ADAM18: variants seen among roughly 807,000 people sequenced by gnomAD.
ADAM18 encodes the protein disintegrin and metalloproteinase domain-containing protein 18.
A neutral mutation model predicts 94.4 loss-of-function variants in ADAM18; 117 were observed. The ratio of observed to expected loss-of-function variants is 1.24; its 90% CI spans 1.07 to 1.45. The LOEUF (loss-of-function observed/expected upper bound fraction) is 1.45. Among genes scored for constraint, ADAM18 ranks in the 40% most tolerant of loss-of-function variants. The pLI, the probability that ADAM18 is intolerant of heterozygous loss-of-function variation, is 0.00. For synonymous variants in ADAM18, 327 were observed against 291.6 expected (o/e 1.12, Z -1.24); for missense variants, 936 against 880.0 (o/e 1.06, Z -0.81).
intron 16 of ADAM18, among the ~76,000 whole-genome samples, chr8:39,689,168 C>T (rs575876067): frequency 6.6e-6 from 1 of 152,066 alleles, no homozygotes; most frequent in Non-Finnish European, 1.5e-5. Flanking sequence ...GTCTGTTTAA[C>T]TCTGTTTGGT....
intron 7 of ADAM18, among the ~76,000 whole-genome samples, chr8:39,630,374 A>G (rs1178253126): frequency 6.6e-6 from 1 of 151,244 alleles, no homozygotes; most frequent in Non-Finnish European, 1.5e-5. Flanking sequence ...GTGTGTATAT[A>G]AGTTATATAT....
At position 39,629,375 on chromosome 8, in the gene ADAM18, T is replaced by A. The variant is rs776313682; in HGVS notation, c.524T>A (p.Ile175Lys). Residue 175 changes from isoleucine (I) to lysine (K), a missense_variant and splice_region_variant, in exon 7 of 20, where the codon ATA becomes AAA. Coordinates refer to ENST00000265707, the MANE Select transcript of ADAM18 (RefSeq NM_014237.3). ...AATCCCGTTGTTGTTGTTTTCCAGA[T>A]AAAAAATCTTTCAAAACTATTACCC... The part of the protein sequence containing the change: ...QPYKVPLNSQ[I>K]KNLSKLLPQY... The A allele has an allele frequency of 7.7e-6, 12 of 1,564,202 alleles. No individual in the cohort carries two copies. The South Asian group carries it at 1.3e-4, about 17-fold the overall frequency.
intron 17 of ADAM18, among the ~76,000 whole-genome samples, chr8:39,703,526 G>A (rs571102841): frequency 1.4e-4 from 22 of 152,060 alleles, no homozygotes; most frequent in African/African-American, 5.3e-4. Context: ...ATGTTAAATA[G>A]GATTGGTGAG....
chr8:39,617,289 A>G (rs926449257), intron 6 of ADAM18, among the ~76,000 whole-genome samples: 11 of 152,218 alleles, frequency 7.2e-5, no homozygotes, highest in Admixed American at 5.9e-4. Flanking sequence ...CATAACCACA[A>G]TGAGATACCA....
chr8:39,641,772 A>G (rs921193416), intron 10 of ADAM18, among the ~76,000 whole-genome samples: 3 of 152,094 alleles, frequency 2.0e-5, no homozygotes, highest in African/African-American at 7.2e-5. Flanking sequence ...TTGGGTATAT[A>G]CCCAGTAATG....
At chr8:39,726,575 C>G (rs541423010) in intron 19 of ADAM18, among the ~76,000 whole-genome samples, 14 of 152,112 alleles carry the variant, frequency 9.2e-5, no homozygotes, top group African/African-American at 2.9e-4. Flanking sequence ...CACTTTATTT[C>G]TGCTTCTATC....
intron 19 of ADAM18, among the ~76,000 whole-genome samples, chr8:39,728,547 T>C (rs1822985324): frequency 6.6e-6 from 1 of 152,066 alleles, no homozygotes; most frequent in Admixed American, 6.5e-5. Flanking sequence ...ACAAAATATA[T>C]AAAAAATAAA....
intron 13 of ADAM18, 95 bp downstream of exon 13, chr8:39,663,985 A>C: frequency 1.2e-6 from 1 of 813,466 alleles, no homozygotes; most frequent in Non-Finnish European, 1.9e-6. Context: ...AGAATATATA[A>C]GGAATTTAGT....
intron 17 of ADAM18, among the ~76,000 whole-genome samples, chr8:39,698,204 G>A (rs1563311302): frequency 1.3e-5 from 2 of 151,444 alleles, no homozygotes; most frequent in Non-Finnish European, 3.0e-5. Context: ...TTTCTAATTT[G>A]CTTTTACAGC....
rs375300520 is a variant in ADAM18, at chr8:39,720,395, G to A, written c.2018-3353G>A. ...GTTTGCATTTTTATGGTTTCATGGC[G>A]GTACACAAATAACAAAACCTATCAA... is the stretch of plus-strand genomic sequence containing the variant. On this transcript the variant is annotated intron_variant, in intron 18 of 19. Coordinates refer to ENST00000265707, the MANE Select transcript of ADAM18 (RefSeq NM_014237.3). Among the ~76,000 whole-genome samples, 328 of 151,308 alleles carry A rather than the reference G, an allele frequency of 2.2e-3. 3 individuals are homozygous for A. The highest frequency in any genetic ancestry group is 7.6e-3 in the African/African-American group (316 of 41,428).
At chr8:39,647,477 T>C (rs1224919306) in intron 11 of ADAM18, among the ~76,000 whole-genome samples, 16 of 152,128 alleles carry the variant, frequency 1.1e-4, no homozygotes, top group Non-Finnish European at 1.5e-5. Flanking sequence ...AGACATTCAG[T>C]TCCCAGGGGC....
intron 6 of ADAM18, among the ~76,000 whole-genome samples, chr8:39,623,507 A>AT (rs59705229): frequency 4.0e-4 from 59 of 148,122 alleles, no homozygotes; most frequent in African/African-American, 1.1e-3. Flanking sequence ...ACATGCACAC[A>AT]TTTTTTTTTT....
chr8:39,689,682 T>C (rs963567025), intron 16 of ADAM18, among the ~76,000 whole-genome samples: 2 of 152,216 alleles, frequency 1.3e-5, no homozygotes, highest in African/African-American at 2.4e-5. Flanking sequence ...TTCAGGCTCA[T>C]TTTTTGTTTT....
intron 19 of ADAM18, among the ~76,000 whole-genome samples, chr8:39,725,356 G>A (rs1822873791): frequency 6.6e-6 from 1 of 151,782 alleles, no homozygotes; most frequent in Admixed American, 6.6e-5. Flanking sequence ...AAGAACACTT[G>A]ATATAGATCT....
At chr8:39,677,146 G>A (rs1300082110) in intron 14 of ADAM18, among the ~76,000 whole-genome samples, 2 of 152,096 alleles carry the variant, frequency 1.3e-5, no homozygotes, top group Non-Finnish European at 2.9e-5. Flanking sequence ...AAGTTACAAG[G>A]TCAAGCCCAA....
chr8:39,664,439 A>T (rs1820935994), intron 13 of ADAM18, among the ~76,000 whole-genome samples: 1 of 152,158 alleles, frequency 6.6e-6, no homozygotes, highest in South Asian at 2.1e-4. Context: ...AATATGCCTG[A>T]GGGTTCCTGG....
In ADAM18 at chr8:39,656,657, G is replaced by C. The variant is rs141052153; in HGVS notation, c.1231-7138G>C. On this transcript the variant is annotated intron_variant, in intron 12 of 19. Coordinates refer to ENST00000265707, the MANE Select transcript of ADAM18 (RefSeq NM_014237.3). ...TTAAAGGGTAGATTATACAATAGGA[G>C]ATTGTTTTCTCCACATAAATGTGAC... Among the ~76,000 whole-genome samples, 973 of 152,264 alleles carry C rather than the reference G, an allele frequency of 6.4e-3. 5 individuals are homozygous for C. The highest frequency in any genetic ancestry group is 0.022 in the African/African-American group (923 of 41,588).
intron 12 of ADAM18, among the ~76,000 whole-genome samples, chr8:39,656,005 T>A (rs1166514501): frequency 6.6e-6 from 1 of 152,048 alleles, no homozygotes; most frequent in African/African-American, 2.4e-5. Context: ...ATATGTCATG[T>A]TTTAAAATTA....
chr8:39,680,093 G>T lies in ADAM18; in HGVS notation c.1688G>T (p.Ser563Ile), dbSNP rs776082502. 9.9e-6 allele frequency: 16 copies of T among 1,613,812 alleles called. No individual in the cohort carries two copies. The highest frequency in any genetic ancestry group is 1.3e-5 in the Non-Finnish European group (15 of 1,179,870). Residue 563 changes from serine (S) to isoleucine (I), a missense_variant, in exon 16 of 20, where the codon AGT becomes ATT. Coordinates refer to ENST00000265707, the MANE Select transcript of ADAM18 (RefSeq NM_014237.3). ...CAGCCACATAAAAATGCTAATAAAA[G>T]TGACGCTCAATCTACAGTTTATTCA... ...CVQPHKNANK[S>I]DAQSTVYSYI...
Sources: allele counts gnomAD v4.1 joint callset (sites outside exome capture counted in the v4.1 genomes callset), GRCh38; gene constraint gnomAD v4.1.1; transcripts MANE v1.5; gene names NCBI Gene and HGNC (gene_info 2026-07-23, HGNC 2026-07-21).